Variants in AFAP1 observed in about 807,000 individuals in gnomAD.
The protein encoded by AFAP1 is actin filament-associated protein 1.
In AFAP1, 75 loss-of-function variants were observed where a neutral mutation model predicts 93.9. The observed-to-expected ratio is 0.80, with a 90% confidence interval of 0.66 to 0.97. AFAP1 has a LOEUF of 0.97. Among genes scored for constraint, AFAP1 ranks in the 50% least tolerant of loss-of-function variants. The probability of loss-of-function intolerance (pLI) is 0.00; values close to 1 mark genes in which losing one functional copy is unlikely to be tolerated. For missense variants in AFAP1, 1,201 were observed against 1,050.8 expected, an observed-to-expected ratio of 1.14 and a Z score of -1.98; for synonymous variants, 517 against 430.7, an observed-to-expected ratio of 1.20 and a Z score of -2.48.
chr4:7,923,038 G>C (rs1240389463), intron 1 of AFAP1, among the ~76,000 whole-genome samples: 1 of 152,044 alleles, frequency 6.6e-6, no homozygotes. Context: ...AATTTGTATA[G>C]ACATAAAGCA....
intron 4 of AFAP1, among the ~76,000 whole-genome samples, chr4:7,852,175 G>A (rs1274804911): frequency 1.3e-5 from 2 of 152,136 alleles, no homozygotes; most frequent in African/African-American, 4.8e-5. Context: ...TGACTTGGTG[G>A]TACTGTTTCT....
chr4:7,844,834 C>G (rs1359170781), intron 4 of AFAP1, among the ~76,000 whole-genome samples: 1 of 152,236 alleles, frequency 6.6e-6, no homozygotes, highest in African/African-American at 2.4e-5. Context: ...CTCCAAATTC[C>G]CCTCAGCCCC....
At chr4:7,897,924 T>C (rs548452771) in intron 1 of AFAP1, among the ~76,000 whole-genome samples, 24 of 152,258 alleles carry the variant, frequency 1.6e-4, no homozygotes, top group Non-Finnish European at 2.9e-4. Flanking sequence ...ACTCCTCCCA[T>C]AGTCTTCCCC....
intron 4 of AFAP1, among the ~76,000 whole-genome samples, chr4:7,844,558 C>T (rs546331989): frequency 1.4e-4 from 21 of 152,342 alleles, no homozygotes; most frequent in Admixed American, 1.2e-3. Context: ...CACTGGCCCC[C>T]ACTGCAGGCT....
At position 7,915,242 on chromosome 4, in the gene AFAP1, T is replaced by A. The variant is rs1212374635; in HGVS notation, c.-3+24414A>T. On this transcript the variant is annotated intron_variant, in intron 1 of 17. Coordinates refer to ENST00000420658, the MANE Select transcript of AFAP1 (RefSeq NM_001134647.2). ...TAAGAGTTCCCTTTTCTCCATATCC[T>A]CGCCAGCACTTGTTATTTTTTGTCT... Among the ~76,000 whole-genome samples the A allele has an allele frequency of 1.1e-4, 6 of 53,332 alleles. No individual in the cohort carries two copies. The East Asian group carries it at 0.01, about 90-fold the overall frequency. The allele number at this position is 53,332 out of a possible 152,430, so 35.0% of individuals were successfully genotyped here.
At chr4:7,897,533 T>TG (rs1390328172) in intron 1 of AFAP1, among the ~76,000 whole-genome samples, 6 of 130,974 alleles carry the variant, frequency 4.6e-5, no homozygotes, top group African/African-American at 7.6e-5. Flanking sequence ...TTTGTTTTTG[T>TG]GGTTTTTTTG....
At chr4:7,872,149 T>A in intron 1 of AFAP1, 69 bp from the exon 2 acceptor site, 2 of 1,570,474 alleles carry the variant, frequency 1.3e-6, no homozygotes, top group Non-Finnish European at 1.7e-6. Context: ...GAATACTGAG[T>A]CTTACTCGAA....
At chr4:7,797,421 C>T (rs1010542380) in intron 10 of AFAP1, among the ~76,000 whole-genome samples, 1 of 152,190 alleles carries the variant, frequency 6.6e-6, no homozygotes, top group African/African-American at 2.4e-5. Flanking sequence ...GTGAGACACA[C>T]AGACGCTGTG....
chr4:7,782,178 AAG>A (rs1187809898), intron 12 of AFAP1, among the ~76,000 whole-genome samples: 1 of 152,176 alleles, frequency 6.6e-6, no homozygotes, highest in Non-Finnish European at 1.5e-5. Context: ...TCCGGGGAAA[AAG>A]GGGGAAATGG....
Position 7,937,675 on chromosome 4 carries a change from C to T in AFAP1, c.-3+1981G>A, listed in dbSNP as rs374071121. Among the ~76,000 whole-genome samples the T allele has an allele frequency of 2.3e-3, 353 of 152,128 alleles. 2 individuals carry two copies. The highest frequency in any genetic ancestry group is 8.1e-3 in the African/African-American group (334 of 41,480). On this transcript the variant is annotated intron_variant, in intron 1 of 17. Coordinates refer to ENST00000420658, the MANE Select transcript of AFAP1 (RefSeq NM_001134647.2). ...CTAATTTTTGTATTTTTAGTAGAGA[C>T]GGGGTTTCACCATGTTGGCCAGGCT...
intron 1 of AFAP1, among the ~76,000 whole-genome samples, chr4:7,938,065 C>A (rs1398224548): frequency 2.6e-5 from 4 of 152,104 alleles, no homozygotes; most frequent in African/African-American, 9.7e-5. Context: ...TCTTAAAGAC[C>A]AGGACTTCAG....
At chr4:7,819,230 G>C (rs1178454465) in intron 6 of AFAP1, 59 bp from the exon 7 acceptor site, 1 of 1,469,450 alleles carries the variant, frequency 6.8e-7, no homozygotes, top group Non-Finnish European at 9.3e-7. Context: ...TTAAAGGCTT[G>C]AACTGTGAGT....
At chr4:7,833,215 C>T (rs1296653236) in intron 6 of AFAP1, among the ~76,000 whole-genome samples, 1 of 152,160 alleles carries the variant, frequency 6.6e-6, no homozygotes, top group East Asian at 1.9e-4. Flanking sequence ...AAACAGACAA[C>T]CCACAGAGTG....
chr4:7,938,093 C>G (rs550949046), intron 1 of AFAP1, among the ~76,000 whole-genome samples: 1 of 152,270 alleles, frequency 6.6e-6, no homozygotes, highest in South Asian at 2.1e-4. Context: ...AGCAAAGCTT[C>G]AGAGAGAAGG....
At chr4:7,807,048 T>G (rs779983016) in intron 9 of AFAP1, among the ~76,000 whole-genome samples, 2 of 152,192 alleles carry the variant, frequency 1.3e-5, no homozygotes, top group Non-Finnish European at 2.9e-5. Flanking sequence ...CAGCTCGCTG[T>G]GTGGCTCCGA....
Position 7,916,743 on chromosome 4 carries a change from A to T in AFAP1, c.-3+22913T>A, listed in dbSNP as rs117716802. ...ATCTCTGAAAAGTGTACATGTCAAG[A>T]ACCAGACCTCGGACCAGACTCAGCA... On this transcript the variant is annotated intron_variant, in intron 1 of 17. Coordinates refer to ENST00000420658, the MANE Select transcript of AFAP1 (RefSeq NM_001134647.2). 4.1e-3 allele frequency among the ~76,000 whole-genome samples: 623 copies of T among 152,280 alleles called. 11 individuals carry two copies. Among genetic ancestry groups the T allele is most frequent in the East Asian group, 6.8e-3 (35 of 5,170 alleles).
chr4:7,877,443 GATTACAAGTGCC>G (rs1717582218), intron 1 of AFAP1, among the ~76,000 whole-genome samples: 1 of 152,216 alleles, frequency 6.6e-6, no homozygotes, highest in Non-Finnish European at 1.5e-5. Context: ...CTCACATAGT[GATTACAAGTGCC>G]AGGCACTGTT....
At chr4:7,875,848 T>C (rs1428656985) in intron 1 of AFAP1, among the ~76,000 whole-genome samples, 1 of 151,930 alleles carries the variant, frequency 6.6e-6, no homozygotes, top group African/African-American at 2.4e-5. Flanking sequence ...ATATTACGAG[T>C]CTACTTATAT....
intron 1 of AFAP1, among the ~76,000 whole-genome samples, chr4:7,903,052 T>A (rs6848540): frequency 0.46 from 69,519 of 152,002 alleles, 18,187 homozygotes; most frequent in Non-Finnish European, 0.61. Flanking sequence ...TATCTGAGGA[T>A]GATGGGCTAT....
Sources: gnomAD v4.1 joint callset for allele counts (sites outside exome capture counted in the v4.1 genomes callset) on GRCh38, gnomAD v4.1.1 for gene constraint, MANE v1.5 for transcripts, NCBI Gene and HGNC (gene_info 2026-07-23, HGNC 2026-07-21) for gene names.